The following PRKCB variants were observed in gnomAD, a reference collection of about 807,000 sequenced individuals.
PRKCB encodes the protein protein kinase C beta.
A neutral mutation model predicts 81.5 loss-of-function variants in PRKCB; 13 were observed. The observed-to-expected ratio is 0.16, with a 90% CI of 0.10 to 0.25. PRKCB has a LOEUF of 0.25. Among genes scored for constraint, PRKCB ranks in the 10% least tolerant of loss-of-function variants. The pLI is 1.00. For missense variants in PRKCB, 509 were observed against 875.7 expected (o/e 0.58, Z 5.29); for synonymous variants, 335 against 321.4 (o/e 1.04, Z -0.45).
intron 13 of PRKCB, among the ~76,000 whole-genome samples, chr16:24,184,451 T>G (rs1269040822): frequency 1.4e-5 from 2 of 141,162 alleles, no homozygotes; most frequent in Non-Finnish European, 3.1e-5. Context: ...AGAGACACTA[T>G]CTCAAAAAAA....
chr16:24,111,686 C>A (rs1267490023), intron 7 of PRKCB, among the ~76,000 whole-genome samples: 1 of 151,314 alleles, frequency 6.6e-6, no homozygotes, highest in African/African-American at 2.4e-5. Flanking sequence ...TTAGTCTCAG[C>A]TAGTTGAAAG....
Position 24,063,852 on chromosome 16 carries a change from A to C in PRKCB, c.529+28305A>C, listed in dbSNP as rs189886561. On this transcript the variant is annotated intron_variant, in intron 5 of 16. Transcript: ENST00000643927. Reference sequence around the variant, plus strand: ...TTATGGCATCACTGTTTGTGGTGGCAAAAAGCTAATAGCCTCCTGAATGCC... The same window carrying C: ...TTATGGCATCACTGTTTGTGGTGGCCAAAAGCTAATAGCCTCCTGAATGCC... 3.0e-3 allele frequency among the ~76,000 whole-genome samples: 453 copies of C among 152,346 alleles called. 5 individuals are homozygous for C. Among genetic ancestry groups the C allele is most frequent in the African/African-American group, 0.01 (435 of 41,576 alleles).
At chr16:23,940,765 T>A (rs1001016795) in intron 2 of PRKCB, among the ~76,000 whole-genome samples, 6 of 152,132 alleles carry the variant, frequency 3.9e-5, no homozygotes, top group African/African-American at 1.4e-4. Flanking sequence ...TAAGACGAGA[T>A]GTGCTATTAC....
chr16:23,942,177 G>T (rs1026327117), intron 2 of PRKCB, among the ~76,000 whole-genome samples: 2 of 152,126 alleles, frequency 1.3e-5, no homozygotes, highest in African/African-American at 2.4e-5. Context: ...TTCCTCCTCC[G>T]CATGCTTGGC....
intron 2 of PRKCB, among the ~76,000 whole-genome samples, chr16:23,931,811 C>CTATG (rs1425099265): frequency 1.3e-5 from 2 of 152,178 alleles, no homozygotes; most frequent in African/African-American, 4.8e-5. Flanking sequence ...ACTTGAAAGC[C>CTATG]TATGCATTTC....
intron 2 of PRKCB, among the ~76,000 whole-genome samples, chr16:23,869,846 A>C (rs967182315): frequency 6.6e-6 from 1 of 152,090 alleles, no homozygotes; most frequent in Non-Finnish European, 1.5e-5. Context: ...ACATGGTGAC[A>C]CTCCATCTCT....
chr16:23,850,780 C>T lies in PRKCB; in HGVS notation c.205+13374C>T, dbSNP rs1003773250. 1.6e-4 allele frequency among the ~76,000 whole-genome samples: 24 copies of T among 152,328 alleles called. 1 individual carries two copies. Among genetic ancestry groups the T allele is most frequent in the Non-Finnish European group, 2.5e-4 (17 of 68,036 alleles). The stretch of plus-strand genomic sequence containing the variant: ...CCCCTTTTCTCTACATCTTCTCCAA[C>T]ATGTTATTTTTTATCTTTTTGATAA... On this transcript the variant is annotated intron_variant, in intron 2 of 16. Coordinates refer to ENST00000643927, the MANE Select transcript of PRKCB (RefSeq NM_002738.7).
At chr16:24,120,208 C>T (rs919506672) in intron 8 of PRKCB, among the ~76,000 whole-genome samples, 1 of 151,734 alleles carries the variant, frequency 6.6e-6, no homozygotes, top group Non-Finnish European at 1.5e-5. Context: ...TTGCGGGGGG[C>T]GTCGACTGGG....
chr16:23,872,586 G>C (rs1385363389), intron 2 of PRKCB, among the ~76,000 whole-genome samples: 1 of 152,094 alleles, frequency 6.6e-6, no homozygotes, highest in Non-Finnish European at 1.5e-5. Flanking sequence ...TCCTGTTTGG[G>C]TTCAGATTCT....
intron 5 of PRKCB, among the ~76,000 whole-genome samples, chr16:24,056,176 T>C (rs765763027): frequency 6.6e-6 from 1 of 152,262 alleles, no homozygotes; most frequent in Non-Finnish European, 1.5e-5. Flanking sequence ...TCTTTTCCTC[T>C]TTGAAGCTGC....
chr16:23,883,105 C>T (rs980700839), intron 2 of PRKCB, among the ~76,000 whole-genome samples: 1 of 152,046 alleles, frequency 6.6e-6, no homozygotes, highest in African/African-American at 2.4e-5. Flanking sequence ...GGTCCCCACC[C>T]TCCATGGAGC....
chr16:23,969,014 A>G (rs997652809), intron 2 of PRKCB, among the ~76,000 whole-genome samples: 10 of 152,140 alleles, frequency 6.6e-5, no homozygotes, highest in Non-Finnish European at 1.0e-4. Context: ...TACTAAAAAT[A>G]CAAAAATTAG....
At chr16:23,886,268 G>T (rs1407739809) in intron 2 of PRKCB, among the ~76,000 whole-genome samples, 3 of 152,106 alleles carry the variant, frequency 2.0e-5, no homozygotes, top group African/African-American at 7.2e-5. Flanking sequence ...GGCTTCTCTT[G>T]CCTGGTTCTC....
At chr16:24,181,903 A>G (rs1294485300) in intron 13 of PRKCB, among the ~76,000 whole-genome samples, 3 of 152,136 alleles carry the variant, frequency 2.0e-5, no homozygotes, top group Admixed American at 6.5e-5. Context: ...GAAGATTTCA[A>G]ACTGATTTTA....
At chr16:23,881,977 T>TCTTC (rs1963116790) in intron 2 of PRKCB, among the ~76,000 whole-genome samples, 1 of 22,562 alleles carries the variant, frequency 4.4e-5, no homozygotes, top group African/African-American at 1.1e-4. Context: ...TTTCTTTCTT[T>TCTTC]CTTTCTTTCT....
rs781322629 is a variant in PRKCB at position 24,191,195 on chromosome 16, C to T, written c.1828C>T (p.Arg610Cys). ...GTATATTGATTGGGAGAAACTTGAA[C>T]GCAAAGAGATCCAGCCCCCTTATAA... is the stretch of plus-strand genomic sequence containing the variant. ...FRYIDWEKLERKEIQPPYKPK... is the reference protein window; with the variant it reads ...FRYIDWEKLECKEIQPPYKPK... The change falls in exon 16 of 17, where the codon CGC (arginine) becomes TGC (cysteine). Residue 610 changes from arginine to cysteine, a missense_variant. Physicochemically the swap from Arg to Cys is radical, Grantham distance 180 (BLOSUM62 -3). Around this residue, in one of 6 missense-constraint regions of PRKCB, gnomAD observed 104 missense variants for 160.5 expected, o/e 0.65. Coordinates refer to ENST00000643927, the MANE Select transcript of PRKCB (RefSeq NM_002738.7). The T allele has an allele frequency of 2.2e-5, 36 of 1,613,942 alleles. No individual in the cohort carries two copies. Among genetic ancestry groups the T allele is most frequent in the Middle Eastern group, 1.6e-4 (1 of 6,084 alleles).
intron 2 of PRKCB, among the ~76,000 whole-genome samples, chr16:23,917,737 G>A (rs182328785): frequency 1.2e-3 from 177 of 152,332 alleles, no homozygotes; most frequent in Non-Finnish European, 1.4e-3. Context: ...ACTTGGTTGA[G>A]GAAAGGTTTC....
intron 2 of PRKCB, among the ~76,000 whole-genome samples, chr16:23,843,501 T>C (rs1650813533): frequency 6.6e-6 from 1 of 152,108 alleles, no homozygotes; most frequent in African/African-American, 2.4e-5. Flanking sequence ...AATAAGAATC[T>C]TTGAGTGGGT....
intron 5 of PRKCB, among the ~76,000 whole-genome samples, chr16:24,091,854 AG>A (rs1231920542): frequency 6.6e-6 from 1 of 152,126 alleles, no homozygotes; most frequent in Non-Finnish European, 1.5e-5. Flanking sequence ...TTCTGGAGTC[AG>A]GGTGGAGCTG....
Sources: allele counts gnomAD v4.1 joint callset (sites outside exome capture counted in the v4.1 genomes callset), GRCh38; gene constraint gnomAD v4.1.1; regional missense constraint gnomAD v4.1.1; transcripts MANE v1.5; gene names NCBI Gene and HGNC (gene_info 2026-07-23, HGNC 2026-07-21).